ZNF746: variants seen among roughly 807,000 people sequenced by gnomAD.
The protein encoded by ZNF746 is parkin-interacting substrate.
ZNF746 carries 13 observed loss-of-function variants against 41.0 expected under a neutral mutation model. That is an observed-to-expected ratio of 0.32 (90% CI 0.21 to 0.50). The LOEUF is 0.50. Among genes scored for constraint, ZNF746 ranks in the 20% least tolerant of loss-of-function variants. ZNF746 has a pLI of 0.98. For missense variants in ZNF746, 811 were observed against 922.9 expected (o/e 0.88, Z 1.57); for synonymous variants, 424 against 396.2 (o/e 1.07, Z -0.83).
chr7:149,493,125 C>G (rs375393542), intron 3 of ZNF746, among the ~76,000 whole-genome samples, 153 bp from the exon 4 acceptor site: 1 of 152,214 alleles, frequency 6.6e-6, no homozygotes, highest in African/African-American at 2.4e-5. Context: ...CTGGGGGCAT[C>G]TGGCAAAGTC....
At position 149,475,317 on chromosome 7, in the gene ZNF746, G is replaced by A. The variant is rs1210973002; in HGVS notation, c.1050C>T (p.Ser350=). Residue 350 remains serine (S), a synonymous_variant, in exon 7 of 7, where the codon AGC becomes AGT. Transcript: ENST00000458143. ...AQEGAWESQG[S]SFPSQDPVLG... ...GCACAGGGTCCTGGCTGGGGAAGGA[G>A]CTGCCCTGGCTTTCCCAGGCTCCTT... The A allele has an allele frequency of 6.2e-7, 1 of 1,614,034 alleles. No individual in the cohort carries two copies. Among genetic ancestry groups the A allele is most frequent in the South Asian group, 1.1e-5 (1 of 91,084 alleles).
chr7:149,497,640 GC>G lies in ZNF746; in HGVS notation c.-105del, dbSNP rs1225602157. 2.2e-6 allele frequency: 2 copies of G among 906,886 alleles called. No homozygotes were observed. Among genetic ancestry groups the G allele is most frequent in the Non-Finnish European group, 2.7e-6 (2 of 753,468 alleles). The allele number at this position is 906,886 out of a possible 1,614,324, so 56.2% of individuals were successfully genotyped here. A position where few individuals can be genotyped will look rare whatever the true frequency, so the allele number is the denominator to read the frequency against. ...CCGGTGCTCTCCGCAGGCGGCGCCT[GC>G]CTGGCCTTTCCTCTGCCGCCGCTCC... On this transcript the variant is annotated 5_prime_UTR_variant, in exon 1 of 7. Coordinates refer to ENST00000458143, the MANE Select transcript of ZNF746 (RefSeq NM_001394198.1). The surrounding 1 kb of genome is among the most constrained non-coding windows in gnomAD (Gnocchi z 4.2).
chr7:149,476,721 G>A (rs146885612), intron 6 of ZNF746, among the ~76,000 whole-genome samples: 216 of 152,306 alleles, frequency 1.4e-3, no homozygotes, highest in African/African-American at 5.0e-3. Flanking sequence ...AAACATGGAT[G>A]TCCTCAAGAA....
At chr7:149,491,945 C>T (rs561542953) in intron 4 of ZNF746, 15 of 702,654 alleles carry the variant, frequency 2.1e-5, no homozygotes, top group African/African-American at 1.4e-4. Context: ...AAATCTGAGA[C>T]GCTGATATCT....
chr7:149,493,130 A>G (rs1052058311), intron 3 of ZNF746, among the ~76,000 whole-genome samples, 158 bp from the exon 4 acceptor site: 3 of 152,212 alleles, frequency 2.0e-5, no homozygotes, highest in Non-Finnish European at 2.9e-5. Flanking sequence ...GGCATCTGGC[A>G]AAGTCTGGAG....
At chr7:149,484,502 CACAG>C in intron 4 of ZNF746, among the ~76,000 whole-genome samples, 1 of 152,214 alleles carries the variant, frequency 6.6e-6, no homozygotes, top group Middle Eastern at 3.4e-3. Flanking sequence ...CCTAGCCAAA[CACAG>C]ACATAGGAAA....
chr7:149,476,367 C>T (rs996411991), intron 6 of ZNF746, among the ~76,000 whole-genome samples: 6 of 145,582 alleles, frequency 4.1e-5, no homozygotes, highest in African/African-American at 1.3e-4. Flanking sequence ...TTTATATAAG[C>T]GTACTTCAAC....
Position 149,475,021 on chromosome 7 carries a change from C to T in ZNF746, c.1346G>A (p.Gly449Asp), listed in dbSNP as rs1800243929. 6.4e-7 allele frequency: 1 copy of T among 1,554,196 alleles called. No individual in the cohort carries two copies. The highest frequency in any genetic ancestry group is 8.7e-7 in the Non-Finnish European group (1 of 1,149,218). Residue 449 changes from glycine to aspartate, a missense_variant, in exon 7 of 7, where the codon GGC becomes GAC. This residue lies in a region of ZNF746 where 495 missense variants were observed against 481.6 expected (regional missense o/e 1.03). Coordinates refer to ENST00000458143, the MANE Select transcript of ZNF746 (RefSeq NM_001394198.1). ...CTTCAGCCCTGGCTTGTGGCCAAAG[C>T]CTTTGGTCCGGCCAGGGTATTTACA... ...EPCKYPGRTK[G>D]FGHKPGLKKH...
intron 4 of ZNF746, among the ~76,000 whole-genome samples, chr7:149,480,800 A>C (rs1800463813): frequency 6.6e-6 from 1 of 152,222 alleles, no homozygotes; most frequent in Admixed American, 6.5e-5. Flanking sequence ...TTGAATGGTG[A>C]ATAGTGAACT....
chr7:149,475,154 C>T lies in ZNF746; in HGVS notation c.1213G>A (p.Val405Met). ...GGCCCCGTCCTCGGGTTCAGGCCCACTGGCGGTTTACACCGGAAATTCCAG... is the reference window on the plus strand; with the variant it reads ...GGCCCCGTCCTCGGGTTCAGGCCCATTGGCGGTTTACACCGGAAATTCCAG... ...WGWNFRCKPP[V>M]GLNPRTGPEG... The change falls in exon 7 of 7, where the codon GTG becomes ATG. Residue 405 changes from valine to methionine, a missense_variant. Physicochemically the swap from Val to Met is conservative, Grantham distance 21 (BLOSUM62 1). Transcript: ENST00000458143. 1.9e-6 allele frequency: 3 copies of T among 1,612,758 alleles called. No individual in the cohort carries two copies. The highest frequency in any genetic ancestry group is 2.5e-6 in the Non-Finnish European group (3 of 1,179,832).
chr7:149,475,123 C>A lies in ZNF746; in HGVS notation c.1244G>T (p.Gly415Val). Residue 415 changes from glycine (G) to valine (V), a missense_variant, in exon 7 of 7, where the codon GGG becomes GTG. Gly to Val is a moderately radical substitution (Grantham distance 109, BLOSUM62 -3). Around this residue, in one of 4 missense-constraint regions of ZNF746, gnomAD observed 495 missense variants for 481.6 expected, o/e 1.03. Coordinates refer to ENST00000458143, the MANE Select transcript of ZNF746 (RefSeq NM_001394198.1). The part of the protein sequence containing the change: ...VGLNPRTGPE[G>V]LPYSSPDNGE... Reference sequence around the variant, plus strand: ...GTTGTCCGGGGAGGAGTAAGGAAGCCCCTCGGGCCCCGTCCTCGGGTTCAG... The same window carrying A: ...GTTGTCCGGGGAGGAGTAAGGAAGCACCTCGGGCCCCGTCCTCGGGTTCAG... 1 of 1,611,656 alleles carries A rather than the reference C, an allele frequency of 6.2e-7. No individual in the cohort carries two copies. Among genetic ancestry groups the A allele is most frequent in the Admixed American group, 1.7e-5 (1 of 59,798 alleles).
chr7:149,474,534 C>T lies in ZNF746; in HGVS notation c.1833G>A (p.Pro611=), dbSNP rs749676281. 1.7e-5 allele frequency: 27 copies of T among 1,607,286 alleles called. No homozygotes were observed. The highest frequency in any genetic ancestry group is 2.2e-5 in the East Asian group (1 of 44,540). ...QRNHAAGAKT[P]ARGQPLPTPP... is the part of the protein sequence containing the mutation. ...GCGTCGGGAGTGGCTGGCCTCGGGCCGGGGTCTTGGCGCCCGCTGCATGGT... is the reference window on the plus strand; with the variant it reads ...GCGTCGGGAGTGGCTGGCCTCGGGCTGGGGTCTTGGCGCCCGCTGCATGGT... Residue 611 remains proline, a synonymous_variant, in exon 7 of 7, where the codon CCG becomes CCA. Coordinates refer to ENST00000458143, the MANE Select transcript of ZNF746 (RefSeq NM_001394198.1). This position sits in a 1 kb window ranked among gnomAD's most constrained non-coding sequence, Gnocchi z 6.3.
chr7:149,472,842 C>G lies in ZNF746; in HGVS notation c.*1542G>C, dbSNP rs1353049572. On this transcript the variant is annotated 3_prime_UTR_variant, in exon 7 of 7. Coordinates refer to ENST00000458143, the MANE Select transcript of ZNF746 (RefSeq NM_001394198.1). ...TAACAGGATGTTTTCTCTTATTTTTCAAAATATCAGTTATATCAATATTAG... is the reference window on the plus strand; with the variant it reads ...TAACAGGATGTTTTCTCTTATTTTTGAAAATATCAGTTATATCAATATTAG... 1 of 152,534 alleles carries G rather than the reference C, an allele frequency of 6.6e-6. No homozygotes were observed. The highest frequency in any genetic ancestry group is 1.9e-4 in the East Asian group (1 of 5,188). The allele number at this position is 152,534 out of a possible 1,614,324, so 9.4% of individuals were successfully genotyped here.
chr7:149,495,352 A>G (rs1019308839), intron 1 of ZNF746, among the ~76,000 whole-genome samples: 11 of 152,230 alleles, frequency 7.2e-5, no homozygotes, highest in Non-Finnish European at 2.9e-5. Context: ...CTGGTGAGGA[A>G]AGTACATATA....
In ZNF746 at chr7:149,485,294, G is replaced by A. The variant is rs7791882; in HGVS notation, c.566-7539C>T. 8.3e-3 allele frequency among the ~76,000 whole-genome samples: 1,267 copies of A among 152,182 alleles called. 71 individuals carry two copies. Among genetic ancestry groups the A allele is most frequent in the Admixed American group, 0.071 (1,084 of 15,282 alleles). On this transcript the variant is annotated intron_variant, in intron 4 of 6. Coordinates refer to ENST00000458143, the MANE Select transcript of ZNF746 (RefSeq NM_001394198.1). ...GATAACATGACTGAATATAGTAAAA[G>A]TGTCAATTCTCTCCAAAATGTTAAT... is the stretch of plus-strand genomic sequence containing the variant.
In ZNF746 at chr7:149,474,335, C is replaced by G; in HGVS notation, c.*49G>C. 6.4e-7 allele frequency: 1 copy of G among 1,559,612 alleles called. No individual in the cohort carries two copies. Among genetic ancestry groups the G allele is most frequent in the South Asian group, 1.2e-5 (1 of 84,728 alleles). ...TCCACGCCGCCCTGCTGCCTGCACA[C>G]GGGGCTTTTTACACGTGCGGCCGGC... is the stretch of plus-strand genomic sequence containing the variant. On this transcript the variant is annotated 3_prime_UTR_variant, in exon 7 of 7. Transcript: ENST00000458143. The surrounding 1 kb of genome is among the most constrained non-coding windows in gnomAD (Gnocchi z 6.3).
intron 6 of ZNF746, among the ~76,000 whole-genome samples, 158 bp from the exon 7 acceptor site, chr7:149,475,641 G>A (rs1203727109): frequency 6.6e-6 from 1 of 152,190 alleles, no homozygotes; most frequent in Non-Finnish European, 1.5e-5. Context: ...CAGCCTGGTG[G>A]CTGTGAGGCT....
At chr7:149,479,855 G>A (rs546052215) in intron 4 of ZNF746, among the ~76,000 whole-genome samples, 1 of 152,226 alleles carries the variant, frequency 6.6e-6, no homozygotes, top group Admixed American at 6.5e-5. Flanking sequence ...AGCCATGTTT[G>A]TGCCACTACA....
At chr7:149,496,872 T>C (rs1390142745) in intron 1 of ZNF746, 19 of 985,314 alleles carry the variant, frequency 1.9e-5, no homozygotes, top group Non-Finnish European at 2.3e-5. Context: ...ACACAGCCAC[T>C]GTGTGTCTTT....
Sources: gnomAD v4.1 joint callset for allele counts (sites outside exome capture counted in the v4.1 genomes callset) on GRCh38, gnomAD v4.1.1 for gene constraint, gnomAD v4.1.1 regional missense constraint, Gnocchi (gnomAD v3.1) non-coding constraint, MANE v1.5 for transcripts, NCBI Gene and HGNC (gene_info 2026-07-23, HGNC 2026-07-21) for gene names.